Variants in KCNA2 observed in about 807,000 individuals in gnomAD.
KCNA2 encodes potassium channel, voltage gated shaker related subfamily A, member 2.
Under a neutral mutation model 33.4 loss-of-function variants are expected in KCNA2, and 11 were observed. That is an observed-to-expected ratio of 0.33 (90% confidence interval 0.21 to 0.55). The LOEUF is 0.55. Among genes scored for constraint, KCNA2 ranks in the 20% least tolerant of loss-of-function variants. KCNA2 has a pLI of 0.93. For missense variants in KCNA2, 291 were observed against 621.6 expected, an observed-to-expected ratio of 0.47 and a Z score of 5.66; for synonymous variants, 222 against 231.3, an observed-to-expected ratio of 0.96 and a Z score of 0.37.
chr1:110,616,938 A>G (rs1050835042), intron 1 of KCNA2, among the ~76,000 whole-genome samples: 1 of 152,266 alleles, frequency 6.6e-6, no homozygotes, highest in Admixed American at 6.5e-5. Flanking sequence ...AAATTGAAGA[A>G]TAAAGTACAA....
At position 110,594,828 on chromosome 1, in the gene KCNA2, C is replaced by A. The variant is rs867294061; in HGVS notation, c.*8455G>T. On this transcript the variant is annotated 3_prime_UTR_variant, in exon 3 of 3. Coordinates refer to ENST00000316361, the MANE Select transcript of KCNA2 (RefSeq NM_004974.4). ...CATTTCTTAGCCTGGAGCTGATGTG[C>A]TCCTTTCCAGCCCCACCTGGCAGGT... The A allele has an allele frequency of 1.0e-6, 1 of 985,444 alleles. No homozygotes were observed. The highest frequency in any genetic ancestry group is 5.2e-4 in the Middle Eastern group (1 of 1,914). The allele number at this position is 985,444 out of a possible 1,614,324, so 61.0% of individuals were successfully genotyped here.
chr1:110,626,676 C>T (rs974178000), intron 1 of KCNA2, among the ~76,000 whole-genome samples: 9 of 152,166 alleles, frequency 5.9e-5, no homozygotes, highest in Middle Eastern at 3.4e-3. Context: ...AGTGTTGTTC[C>T]CACAGTCCAC....
intron 2 of KCNA2, 115 bp from the exon 3 acceptor site, chr1:110,605,060 C>T (rs755816153): frequency 2.8e-5 from 13 of 470,534 alleles, no homozygotes; most frequent in Non-Finnish European, 4.9e-5. Context: ...TGATCACCAC[C>T]ACCACAACGA....
chr1:110,603,180 G>C lies in KCNA2; in HGVS notation c.*103C>G, dbSNP rs1649432408. 1 of 1,493,146 alleles carries C rather than the reference G, an allele frequency of 6.7e-7. No individual in the cohort carries two copies. Among genetic ancestry groups the C allele is most frequent in the African/African-American group, 1.4e-5 (1 of 71,222 alleles). 92.5% of individuals were successfully genotyped at this position (1,493,146 alleles called of 1,614,324 possible). On this transcript the variant is annotated 3_prime_UTR_variant, in exon 3 of 3. Transcript: ENST00000316361. This position sits in a 1 kb window ranked among gnomAD's most constrained non-coding sequence, Gnocchi z 5.7. ...CACTTGCACAACTATTGCTTTCCAT[G>C]CAGAACCAGATACACACTGTAGAAC...
rs914726826 is a variant in KCNA2 at position 110,601,866 on chromosome 1, C to G, written c.*1417G>C. On this transcript the variant is annotated 3_prime_UTR_variant, in exon 3 of 3. Transcript: ENST00000316361. ...CACATATGTATGTATATATATACAC[C>G]CTAGTGCACATAGTCAAACACATGC... is the stretch of plus-strand genomic sequence containing the variant. 9 of 1,400,784 alleles carry G rather than the reference C, an allele frequency of 6.4e-6. No individual in the cohort carries two copies. In the African/African-American group the frequency reaches 1.3e-4, roughly 21 times the overall value. The allele number at this position is 1,400,784 out of a possible 1,614,324, so 86.8% of individuals were successfully genotyped here.
rs868141867 is a variant in KCNA2 at position 110,601,826 on chromosome 1, G to A, written c.*1457C>T. On this transcript the variant is annotated 3_prime_UTR_variant, in exon 3 of 3. Transcript: ENST00000316361. ...TGTGTGTGTGTGTGTGTGTGTGTGT[G>A]TGTATACATATACACACATATGTAT... 3.2e-4 allele frequency: 427 copies of A among 1,316,456 alleles called. No individual in the cohort carries two copies. Among genetic ancestry groups the A allele is most frequent in the African/African-American group, 8.3e-4 (54 of 64,730 alleles). The allele number at this position is 1,316,456 out of a possible 1,614,324, so 81.5% of individuals were successfully genotyped here. A position where few individuals can be genotyped will look rare whatever the true frequency, so the allele number is the denominator to read the frequency against.
At chr1:110,621,353 G>A (rs1397485715) in intron 1 of KCNA2, among the ~76,000 whole-genome samples, 1 of 152,202 alleles carries the variant, frequency 6.6e-6, no homozygotes, top group African/African-American at 2.4e-5. Flanking sequence ...CAAGGGGTAG[G>A]ATTTCTAGCC....
rs1421786839 is a variant in KCNA2 at position 110,602,188 on chromosome 1, G to T, written c.*1095C>A. Reference sequence around the variant, plus strand: ...CTGCGTTCCTGTTTAGAAGAACAGGGATAGGTAGGCTGGGGGGCCAGAAGT... The same window carrying T: ...CTGCGTTCCTGTTTAGAAGAACAGGTATAGGTAGGCTGGGGGGCCAGAAGT... On this transcript the variant is annotated 3_prime_UTR_variant, in exon 3 of 3. Transcript: ENST00000316361. 17 of 1,549,904 alleles carry T rather than the reference G, an allele frequency of 1.1e-5. No individual in the cohort carries two copies. The highest frequency in any genetic ancestry group is 2.4e-5 in the South Asian group (2 of 84,014).
chr1:110,627,409 T>C (rs1393096197), intron 1 of KCNA2, among the ~76,000 whole-genome samples: 1 of 152,238 alleles, frequency 6.6e-6, no homozygotes, highest in African/African-American at 2.4e-5. Flanking sequence ...ACTGCCCATG[T>C]TGAAGTCTCC....
intron 1 of KCNA2, among the ~76,000 whole-genome samples, chr1:110,615,955 G>T (rs1395282992): frequency 6.6e-6 from 1 of 152,202 alleles, no homozygotes; most frequent in Non-Finnish European, 1.5e-5. Flanking sequence ...TGGCCACATG[G>T]GTGCAGGGAC....
rs1649281490 is a variant in KCNA2 at position 110,600,307 on chromosome 1, A to G, written c.*2976T>C. ...CTGAGTTTGTGTGTATTTTATGTGTAGAAACAATGGTAAAGTAGCCTTTGT... is the reference window on the plus strand; with the variant it reads ...CTGAGTTTGTGTGTATTTTATGTGTGGAAACAATGGTAAAGTAGCCTTTGT... On this transcript the variant is annotated 3_prime_UTR_variant, in exon 3 of 3. Transcript: ENST00000316361. 2 of 983,826 alleles carry G rather than the reference A, an allele frequency of 2.0e-6. No individual in the cohort carries two copies. Among genetic ancestry groups the G allele is most frequent in the South Asian group, 4.7e-5 (1 of 21,136 alleles). The allele number at this position is 983,826 out of a possible 1,614,324, so 60.9% of individuals were successfully genotyped here. A position where few individuals can be genotyped will look rare whatever the true frequency, so the allele number is the denominator to read the frequency against.
upstream of KCNA2, among the ~76,000 whole-genome samples, chr1:110,609,025 G>T (rs1358517101): frequency 6.6e-6 from 1 of 152,016 alleles, no homozygotes; most frequent in Non-Finnish European, 1.5e-5. Context: ...CTGCTTCCCA[G>T]ATTGCCCCGC....
rs536563357 is a variant in KCNA2 at position 110,618,439 on chromosome 1, T to A, written c.-495-12717A>T. 2.6e-5 allele frequency among the ~76,000 whole-genome samples: 4 copies of A among 152,330 alleles called. No homozygotes were observed. In the South Asian group the frequency reaches 8.3e-4, roughly 32 times the overall value. On this transcript the variant is annotated intron_variant, in intron 1 of 4. Transcript: ENST00000369770. ...CTGACCTTGCCGTCCAGTTAGGGTG[T>A]GGCCCTGGAATGTGGCTGCCTTCCC...
chr1:110,628,670 G>C (rs1377475798), intron 1 of KCNA2, among the ~76,000 whole-genome samples: 1 of 152,138 alleles, frequency 6.6e-6, no homozygotes, highest in Non-Finnish European at 1.5e-5. Flanking sequence ...CTCTGTAGAG[G>C]ACTGGACAAG....
In KCNA2 at chr1:110,601,981, G is replaced by A. The variant is rs777341654; in HGVS notation, c.*1302C>T. 57 of 1,531,282 alleles carry A rather than the reference G, an allele frequency of 3.7e-5. No homozygotes were observed. The highest frequency in any genetic ancestry group is 1.9e-4 in the African/African-American group (14 of 72,596). 94.9% of individuals were successfully genotyped at this position (1,531,282 alleles called of 1,614,324 possible). On this transcript the variant is annotated 3_prime_UTR_variant, in exon 3 of 3. Coordinates refer to ENST00000316361, the MANE Select transcript of KCNA2 (RefSeq NM_004974.4). ...TATCACTAGCTAGGTAGAGGAACGCGTGAAAGAGAGATACTCGATATATAT... is the reference window on the plus strand; with the variant it reads ...TATCACTAGCTAGGTAGAGGAACGCATGAAAGAGAGATACTCGATATATAT...
chr1:110,609,068 C>T (rs1649779418), upstream of KCNA2, among the ~76,000 whole-genome samples: 1 of 152,104 alleles, frequency 6.6e-6, no homozygotes, highest in Non-Finnish European at 1.5e-5. Context: ...ACCATTCCCA[C>T]CCCTCTACCA....
intron 1 of KCNA2, among the ~76,000 whole-genome samples, chr1:110,628,467 C>G (rs971268711): frequency 6.6e-6 from 1 of 152,150 alleles, no homozygotes; most frequent in African/African-American, 2.4e-5. Flanking sequence ...CACTTGGTGA[C>G]AGTACTCACA....
intron 1 of KCNA2, among the ~76,000 whole-genome samples, chr1:110,616,237 C>A (rs1650061058): frequency 6.6e-6 from 1 of 152,340 alleles, no homozygotes; most frequent in South Asian, 2.1e-4. Context: ...GCATCTGTAG[C>A]CCCTGGCCCA....
chr1:110,596,375 G>GTGT lies in KCNA2; in HGVS notation c.*6907_*6908insACA. 3.0e-6 allele frequency: 1 copy of GTGT among 331,564 alleles called. No homozygotes were observed. Among genetic ancestry groups the GTGT allele is most frequent in the Non-Finnish European group, 4.3e-6 (1 of 233,246 alleles). 20.5% of individuals were successfully genotyped at this position (331,564 alleles called of 1,614,324 possible). ...TACACACATAAATATATGTATATAT[G>GTGT]GAAAACCTCTAAAAACTCAGGACCA... is the stretch of plus-strand genomic sequence containing the variant. On this transcript the variant is annotated 3_prime_UTR_variant, in exon 3 of 3. Transcript: ENST00000316361.
Sources: gnomAD v4.1 joint callset for allele counts (sites outside exome capture counted in the v4.1 genomes callset) on GRCh38, gnomAD v4.1.1 for gene constraint, Gnocchi (gnomAD v3.1) non-coding constraint, MANE v1.5 for transcripts, NCBI Gene and HGNC (gene_info 2026-07-23, HGNC 2026-07-21) for gene names.